DGUOK: variants seen among roughly 807,000 people sequenced by gnomAD.
The protein encoded by DGUOK is deoxyguanosine kinase, also known as deoxyguanosine kinase, mitochondrial.
A neutral mutation model predicts 36.6 loss-of-function variants in DGUOK; 30 were observed. That is an observed-to-expected ratio of 0.82 (90% CI 0.61 to 1.11). The LOEUF (loss-of-function observed/expected upper bound fraction) is 1.11, where lower values mean the gene tolerates loss of function less well. Ranked by LOEUF, DGUOK falls within the 50% of genes most tolerant of loss-of-function variation. DGUOK has a pLI of 0.00. For synonymous variants in DGUOK, 145 were observed against 126.3 expected (o/e 1.15, Z -0.99); for missense variants, 361 against 336.4 (o/e 1.07, Z -0.57).
intron 2 of DGUOK, among the ~76,000 whole-genome samples, chr2:73,941,909 CTTTTTTT>C (rs11342540): frequency 1.8e-4 from 26 of 142,566 alleles, no homozygotes; most frequent in Non-Finnish European, 7.7e-5. Flanking sequence ...TTGTCATTTT[CTTTTTTT>C]TTTTTTTTTT....
In DGUOK at chr2:73,926,914, G is replaced by A. The variant is rs147551003; in HGVS notation, c.4G>A (p.Ala2Thr). 1.2e-6 allele frequency: 2 copies of A among 1,613,268 alleles called. No individual in the cohort carries two copies. The highest frequency in any genetic ancestry group is 1.3e-5 in the African/African-American group (1 of 74,940). Reference protein sequence around the residue: MAAGRLFLSRLR... With the variant: MTAGRLFLSRLR... ...CGCTGTGTGAATCGTGGGTGGGATG[G>A]CCGCGGGCCGCCTCTTTCTAAGTCG... is the stretch of plus-strand genomic sequence containing the variant. Residue 2 changes from alanine to threonine, a missense_variant, in exon 1 of 7, where the codon GCC (alanine) becomes ACC (threonine). Ala to Thr is a moderately conservative substitution (Grantham distance 58, BLOSUM62 0). Transcript: ENST00000264093.
chr2:73,927,155 G>A (rs1680660497), intron 1 of DGUOK, 103 bp downstream of exon 1: 2 of 1,513,254 alleles, frequency 1.3e-6, no homozygotes, highest in African/African-American at 2.7e-5. Flanking sequence ...GATGCGGCCG[G>A]CCTCTTTTTC....
chr2:73,944,369 T>C (rs976854555), intron 2 of DGUOK, among the ~76,000 whole-genome samples: 9 of 152,252 alleles, frequency 5.9e-5, no homozygotes, highest in African/African-American at 2.2e-4. Context: ...TTAGGTTTAC[T>C]GCATTATACA....
chr2:73,950,608 T>G lies in DGUOK; in HGVS notation c.467T>G (p.Phe156Cys). 1 of 1,614,190 alleles carries G rather than the reference T, an allele frequency of 6.2e-7. No individual in the cohort carries two copies. The highest frequency in any genetic ancestry group is 1.1e-5 in the South Asian group (1 of 91,082). Residue 156 changes from phenylalanine to cysteine, a missense_variant, in exon 4 of 7, where the codon TTT becomes TGT. Phe to Cys is a radical substitution (Grantham distance 205, BLOSUM62 -2). Transcript: ENST00000264093. The stretch of plus-strand genomic sequence containing the variant: ...AGGTATATCTTTGCAAAGAATCTTT[T>G]TGAAAATGGTTCCCTCAGTGACATC... ...SDRYIFAKNL[F>C]ENGSLSDIEW...
At position 73,958,246 on chromosome 2, in the gene DGUOK, G is replaced by T. The variant is rs1278468684; in HGVS notation, c.807+1G>T. 6.2e-7 allele frequency: 1 copy of T among 1,611,464 alleles called. No individual in the cohort carries two copies. Among genetic ancestry groups the T allele is most frequent in the Non-Finnish European group, 8.5e-7 (1 of 1,177,736 alleles). On this transcript the variant is annotated splice_donor_variant, in intron 6 of 6. Transcript: ENST00000264093. LOFTEE classifies it high-confidence loss of function. ...CAAACAAGAAGACCTCATGAGAGAG[G>T]TGGGAAGGACTTTAACTCCTGTTTT...
intron 2 of DGUOK, among the ~76,000 whole-genome samples, 161 bp downstream of exon 2, chr2:73,939,183 T>A (rs1042903814): frequency 3.9e-5 from 6 of 152,200 alleles, no homozygotes; most frequent in African/African-American, 1.2e-4. Context: ...AGGATATGAC[T>A]TGTTTGAATA....
At chr2:73,939,907 CT>C (rs35979524) in intron 2 of DGUOK, among the ~76,000 whole-genome samples, 231 of 136,594 alleles carry the variant, frequency 1.7e-3, no homozygotes, top group Middle Eastern at 3.8e-3. Context: ...AGTCTCTCTC[CT>C]TTTTTTTTTT....
At chr2:73,933,063 A>G (rs1016256502) in intron 1 of DGUOK, among the ~76,000 whole-genome samples, 6 of 152,008 alleles carry the variant, frequency 3.9e-5, no homozygotes, top group Non-Finnish European at 8.8e-5. Context: ...AAAAGAGGAA[A>G]CTCTTTTGCA....
At chr2:73,934,646 G>A (rs1916728) in intron 1 of DGUOK, among the ~76,000 whole-genome samples, 3,883 of 151,988 alleles carry the variant, frequency 0.026, 75 homozygotes, top group Non-Finnish European at 0.043. Flanking sequence ...CCAGTTACTC[G>A]GGAGGCTGAG....
intron 1 of DGUOK, among the ~76,000 whole-genome samples, chr2:73,928,895 G>A (rs1422251814): frequency 6.6e-6 from 1 of 152,170 alleles, no homozygotes; most frequent in South Asian, 2.1e-4. Flanking sequence ...AACAAAAATT[G>A]AGTTACATTT....
At chr2:73,929,950 A>G (rs1426943078) in intron 1 of DGUOK, among the ~76,000 whole-genome samples, 1 of 152,220 alleles carries the variant, frequency 6.6e-6, no homozygotes, top group Non-Finnish European at 1.5e-5. Flanking sequence ...GAATTAGAGC[A>G]TGTTTTTAAG....
intron 1 of DGUOK, among the ~76,000 whole-genome samples, chr2:73,937,573 G>T (rs1681563497): frequency 6.6e-6 from 1 of 152,238 alleles, no homozygotes; most frequent in Non-Finnish European, 1.5e-5. Flanking sequence ...AGGGACTTCT[G>T]TCAGTGAGTG....
chr2:73,927,804 T>C (rs190451188), intron 1 of DGUOK, among the ~76,000 whole-genome samples: 70 of 152,366 alleles, frequency 4.6e-4, no homozygotes, highest in Admixed American at 7.8e-4. Context: ...ATTAATAAAT[T>C]CTGACTTGAT....
chr2:73,938,972 A>T lies in DGUOK; in HGVS notation c.205A>T (p.Thr69Ser), dbSNP rs1443774388. The stretch of plus-strand genomic sequence containing the variant: ...AACTTACCCAGAATGGCACGTAGCT[A>T]CAGAACCTGTAGCAACATGGCAGAA... ...TKTYPEWHVA[T>S]EPVATWQNIQ... The change falls in exon 2 of 7, where the codon ACA becomes TCA. Residue 69 changes from threonine to serine, a missense_variant. Transcript: ENST00000264093. The T allele has an allele frequency of 6.2e-7, 1 of 1,614,002 alleles. No individual in the cohort carries two copies. The highest frequency in any genetic ancestry group is 8.5e-7 in the Non-Finnish European group (1 of 1,179,982).
In DGUOK at chr2:73,926,986, G is replaced by A; in HGVS notation, c.76G>A (p.Val26Ile). The A allele has an allele frequency of 6.2e-7, 1 of 1,612,432 alleles. No homozygotes were observed. Among genetic ancestry groups the A allele is most frequent in the Non-Finnish European group, 8.5e-7 (1 of 1,180,030 alleles). The stretch of plus-strand genomic sequence containing the variant: ...CATGGCCAAGAGCCCACTCGAGGGC[G>A]TTTCCTCCTCCAGAGGCCTGCACGC... ...SSMAKSPLEG[V>I]SSSRGLHAGR... Residue 26 changes from valine to isoleucine, a missense_variant, in exon 1 of 7, where the codon GTT (valine) becomes ATT (isoleucine). By Grantham distance (29) the Val-to-Ile change is conservative. Coordinates refer to ENST00000264093, the MANE Select transcript of DGUOK (RefSeq NM_080916.3).
intron 2 of DGUOK, among the ~76,000 whole-genome samples, 185 bp downstream of exon 2, chr2:73,939,207 T>C (rs533096736): frequency 6.6e-6 from 1 of 152,276 alleles, no homozygotes; most frequent in South Asian, 2.1e-4. Context: ...GCAGTTTTGA[T>C]TTTTGTGGTT....
chr2:73,939,104 A>G, intron 2 of DGUOK, 82 bp downstream of exon 2: 1 of 915,964 alleles, frequency 1.1e-6, no homozygotes, highest in South Asian at 1.4e-5. Flanking sequence ...CTCAGTGAGT[A>G]AAGTAGCCCA....
Position 73,939,033 on chromosome 2 carries a change from A to G in DGUOK, c.255+11A>G. On this transcript the variant is annotated intron_variant, in intron 2 of 6. Coordinates refer to ENST00000264093, the MANE Select transcript of DGUOK (RefSeq NM_080916.3). ...GCTGGCACCCAAAAAGTAAGTTTTT[A>G]GTTGTGGTGGGTAGTTGGCAGGCAT... is the stretch of plus-strand genomic sequence containing the variant. 6.3e-7 allele frequency: 1 copy of G among 1,579,430 alleles called. No individual in the cohort carries two copies. The highest frequency in any genetic ancestry group is 8.7e-7 in the Non-Finnish European group (1 of 1,148,264).
intron 3 of DGUOK, chr2:73,948,025 C>G (rs889666582): frequency 6.6e-6 from 1 of 151,978 alleles, no homozygotes; most frequent in Non-Finnish European, 1.5e-5. Context: ...TAAAACAAAC[C>G]CTATAGGCTA....
Sources: gnomAD v4.1 joint callset for allele counts (sites outside exome capture counted in the v4.1 genomes callset) on GRCh38, gnomAD v4.1.1 for gene constraint, MANE v1.5 for transcripts, NCBI Gene and HGNC (gene_info 2026-07-23, HGNC 2026-07-21) for gene names.